POLR2L: variants seen among roughly 807,000 people sequenced by gnomAD.
POLR2L encodes RNA polymerase II, I and III subunit L.
A neutral mutation model predicts 6.8 loss-of-function variants in POLR2L; 7 were observed. The observed-to-expected ratio is 1.03, with a 90% CI of 0.59 to 1.94. The LOEUF is 1.94. Among genes scored for constraint, POLR2L ranks in the 30% most tolerant of loss-of-function variants. POLR2L has a pLI of 0.00. For missense variants in POLR2L, 93 were observed against 86.7 expected (o/e 1.07, Z -0.29); for synonymous variants, 59 against 39.8 (o/e 1.48, Z -1.82).
In POLR2L at chr11:839,778, G is replaced by T. The variant is rs1050565211; in HGVS notation, c.*594C>A. 2 of 152,350 alleles carry T rather than the reference G, an allele frequency of 1.3e-5. No homozygotes were observed. Among genetic ancestry groups the T allele is most frequent in the African/African-American group, 4.8e-5 (2 of 41,454 alleles). The allele number at this position is 152,350 out of a possible 1,614,324, so 9.4% of individuals were successfully genotyped here. A position where few individuals can be genotyped will look rare whatever the true frequency, so the allele number is the denominator to read the frequency against. On this transcript the variant is annotated 3_prime_UTR_variant, in exon 2 of 2. Coordinates refer to ENST00000322028, the MANE Select transcript of POLR2L (RefSeq NM_021128.5). ...TCCTGCCTCAGCCCCGAGTGGCCGG[G>T]ACTACAGGTGTGAACACTGTGCCCA...
chr11:840,090 G>A lies in POLR2L; in HGVS notation c.*282C>T. 1 of 332,860 alleles carries A rather than the reference G, an allele frequency of 3.0e-6. No individual in the cohort carries two copies. The highest frequency in any genetic ancestry group is 5.5e-6 in the Non-Finnish European group (1 of 181,314). The allele number at this position is 332,860 out of a possible 1,614,324, so 20.6% of individuals were successfully genotyped here. A position where few individuals can be genotyped will look rare whatever the true frequency, so the allele number is the denominator to read the frequency against. On this transcript the variant is annotated 3_prime_UTR_variant, in exon 2 of 2. Coordinates refer to ENST00000322028, the MANE Select transcript of POLR2L (RefSeq NM_021128.5). ...TCCTGCAGGGGTGCCTGTGGAACAG[G>A]CTGGCCCCAGGGCTAGGAGAGTTCA...
Sources: gnomAD v4.1 joint callset for allele counts on GRCh38, gnomAD v4.1.1 for gene constraint, MANE v1.5 for transcripts, NCBI Gene and HGNC (gene_info 2026-07-23, HGNC 2026-07-21) for gene names.